Variants in AGO3 observed in about 807,000 individuals in gnomAD.
The protein encoded by AGO3 is argonaute RISC catalytic component 3, also known as protein argonaute-3.
Under a neutral mutation model 105.5 loss-of-function variants are expected in AGO3, and 16 were observed. That is an observed-to-expected ratio of 0.15 (90% confidence interval 0.10 to 0.23). The LOEUF is 0.23. Among genes scored for constraint, AGO3 ranks in the 10% least tolerant of loss-of-function variants. AGO3 has a pLI of 1.00. For missense variants in AGO3, 534 were observed against 1,088.0 expected (o/e 0.49, Z 7.16); for synonymous variants, 340 against 367.3 (o/e 0.93, Z 0.85).
chr1:35,979,224 C>A (rs1160066756), intron 5 of AGO3, among the ~76,000 whole-genome samples: 2 of 151,966 alleles, frequency 1.3e-5, no homozygotes, highest in African/African-American at 4.8e-5. Context: ...ATTAGCCGGG[C>A]GTGGTGGCGG....
intron 17 of AGO3, among the ~76,000 whole-genome samples, chr1:36,052,321 T>C (rs1387496419): frequency 1.3e-5 from 2 of 152,074 alleles, no homozygotes. Context: ...CAGAGAGATA[T>C]ATACTGCATG....
chr1:36,064,950 C>G lies in AGO3; in HGVS notation c.*9205C>G, dbSNP rs1029359445. ...GTGGGCGGCTGAGGCGGGCGGATCA[C>G]GAGGTCAGGAGTTGGAGACCAGCCT... is the stretch of plus-strand genomic sequence containing the variant. On this transcript the variant is annotated 3_prime_UTR_variant, in exon 19 of 19. Coordinates refer to ENST00000373191, the MANE Select transcript of AGO3 (RefSeq NM_024852.4). The G allele has an allele frequency of 6.6e-6, 1 of 151,908 alleles. No individual in the cohort carries two copies. The allele number at this position is 151,908 out of a possible 1,614,324, so 9.4% of individuals were successfully genotyped here. A position where few individuals can be genotyped will look rare whatever the true frequency, so the allele number is the denominator to read the frequency against.
At chr1:35,962,411 C>T (rs1242445481) in intron 2 of AGO3, among the ~76,000 whole-genome samples, 1 of 151,702 alleles carries the variant, frequency 6.6e-6, no homozygotes, top group Non-Finnish European at 1.5e-5. Flanking sequence ...GGCATGGTGG[C>T]GGGTGCCTGT....
chr1:35,938,279 C>T (rs916739388), intron 1 of AGO3, among the ~76,000 whole-genome samples: 10 of 151,946 alleles, frequency 6.6e-5, no homozygotes, highest in East Asian at 1.9e-4. Context: ...CCACTGTGCC[C>T]GGCCCAAAAA....
chr1:36,053,734 A>T (rs143650682), intron 17 of AGO3, among the ~76,000 whole-genome samples: 1,591 of 134,736 alleles, frequency 0.012, 38 homozygotes, highest in African/African-American at 0.039. Flanking sequence ...CCACACCACC[A>T]CACCTGGCTA....
At position 36,046,623 on chromosome 1, in the gene AGO3, T is replaced by TAAAAAAAAAAAAAAA. The variant is rs3073806; in HGVS notation, c.2274+3093_2274+3107dup. Among the ~76,000 whole-genome samples the TAAAAAAAAAAAAAAA allele has an allele frequency of 8.7e-5, 3 of 34,468 alleles. 1 individual carries two copies. Among genetic ancestry groups the TAAAAAAAAAAAAAAA allele is most frequent in the African/African-American group, 1.0e-4 (1 of 9,758 alleles). 22.6% of individuals were successfully genotyped at this position (34,468 alleles called of 152,430 possible). A position where few individuals can be genotyped will look rare whatever the true frequency, so the allele number is the denominator to read the frequency against. ...AACAGAGTGAGACTCAGTCTCTATT[T>TAAAAAAAAAAAAAAA]AAAAAAAAAAAAAAAAAAAAAAAAA... On this transcript the variant is annotated intron_variant, in intron 17 of 18. Coordinates refer to ENST00000373191, the MANE Select transcript of AGO3 (RefSeq NM_024852.4).
rs370201954 is a variant in AGO3, at chr1:36,057,039, C to T, written c.*1294C>T. 3.9e-5 allele frequency: 6 copies of T among 152,178 alleles called. No homozygotes were observed. The highest frequency in any genetic ancestry group is 1.4e-4 in the African/African-American group (6 of 41,446). 9.4% of individuals were successfully genotyped at this position (152,178 alleles called of 1,614,324 possible). A position where few individuals can be genotyped will look rare whatever the true frequency, so the allele number is the denominator to read the frequency against. On this transcript the variant is annotated 3_prime_UTR_variant, in exon 19 of 19. Coordinates refer to ENST00000373191, the MANE Select transcript of AGO3 (RefSeq NM_024852.4). ...ACAGGCATGAGCCACCGCACCCGGC[C>T]TACTATTCTTTTTCTTTAGTGAGTT...
intron 2 of AGO3, among the ~76,000 whole-genome samples, chr1:35,960,802 A>G (rs1646659420): frequency 1.3e-5 from 2 of 152,182 alleles, no homozygotes; most frequent in Non-Finnish European, 2.9e-5. Context: ...TGACCCGTAT[A>G]CTATAGAATT....
chr1:36,006,222 A>G (rs915567426), intron 6 of AGO3, among the ~76,000 whole-genome samples: 1 of 151,728 alleles, frequency 6.6e-6, no homozygotes, highest in Admixed American at 6.6e-5. Flanking sequence ...TTTAGCTGGT[A>G]TGAAGAATTT....
chr1:36,025,693 G>T (rs777587088), intron 11 of AGO3, among the ~76,000 whole-genome samples: 1 of 152,220 alleles, frequency 6.6e-6, no homozygotes, highest in African/African-American at 2.4e-5. Flanking sequence ...CCAGTGAAGC[G>T]ATTGTTGCTC....
intron 5 of AGO3, among the ~76,000 whole-genome samples, chr1:36,000,182 G>A (rs907335479): frequency 2.0e-5 from 3 of 152,062 alleles, no homozygotes; most frequent in Non-Finnish European, 4.4e-5. Context: ...GCTAATTTGT[G>A]AAAGGGAAGG....
rs1399248680 is a variant in AGO3 at position 36,066,486 on chromosome 1, G to C, written c.*10741G>C. 6.6e-6 allele frequency: 1 copy of C among 152,136 alleles called. No individual in the cohort carries two copies. The highest frequency in any genetic ancestry group is 1.5e-5 in the Non-Finnish European group (1 of 68,046). The allele number at this position is 152,136 out of a possible 1,614,324, so 9.4% of individuals were successfully genotyped here. On this transcript the variant is annotated 3_prime_UTR_variant, in exon 19 of 19. Coordinates refer to ENST00000373191, the MANE Select transcript of AGO3 (RefSeq NM_024852.4). ...GAGGCGAGAGAATCGTTTGAACCCG[G>C]TAGGCGGAGGTTGCAGTGAGCCGAG...
At chr1:35,948,274 A>G (rs1237191996) in intron 2 of AGO3, among the ~76,000 whole-genome samples, 1 of 150,762 alleles carries the variant, frequency 6.6e-6, no homozygotes, top group East Asian at 1.9e-4. Context: ...CTGGAGTGCA[A>G]TGGCGCGATT....
intron 1 of AGO3, among the ~76,000 whole-genome samples, chr1:35,941,728 C>T (rs1646259492): frequency 1.3e-5 from 2 of 152,188 alleles, no homozygotes. Flanking sequence ...CTTGGTGGCT[C>T]ACACCTGTAA....
At chr1:36,047,694 A>G (rs1245222770) in intron 17 of AGO3, among the ~76,000 whole-genome samples, 5 of 152,154 alleles carry the variant, frequency 3.3e-5, no homozygotes, top group Non-Finnish European at 5.9e-5. Flanking sequence ...CAGCCTGGGC[A>G]ACATGGTGAT....
intron 3 of AGO3, among the ~76,000 whole-genome samples, chr1:35,967,281 A>C (rs889626526): frequency 6.6e-6 from 1 of 152,158 alleles, no homozygotes; most frequent in Non-Finnish European, 1.5e-5. Context: ...ATGTAGCTTC[A>C]CTGAGGTTCT....
rs116104822 is a variant in AGO3, at chr1:36,018,254, G to C, written c.1406+4206G>C. On this transcript the variant is annotated intron_variant, in intron 11 of 18. Transcript: ENST00000373191. ...CCCAAACTGCTGAGATTACAGTTGTGAGCCACCATGCCTGGCCGACAATTT... is the reference window on the plus strand; with the variant it reads ...CCCAAACTGCTGAGATTACAGTTGTCAGCCACCATGCCTGGCCGACAATTT... 6.7e-3 allele frequency among the ~76,000 whole-genome samples: 1,021 copies of C among 151,842 alleles called. 8 individuals are homozygous for C. Among genetic ancestry groups the C allele is most frequent in the African/African-American group, 0.023 (970 of 41,462 alleles).
Position 35,931,399 on chromosome 1 carries a change from C to T in AGO3, c.-28C>T. ...GCCGCCAGTGGCGGGCTCCGTTCTC[C>T]CTCGAAGCACTCCCCCCAGCTCCAT... On this transcript the variant is annotated 5_prime_UTR_variant, in exon 1 of 19. Coordinates refer to ENST00000373191, the MANE Select transcript of AGO3 (RefSeq NM_024852.4). 1 of 1,456,984 alleles carries T rather than the reference C, an allele frequency of 6.9e-7. No individual in the cohort carries two copies. The highest frequency in any genetic ancestry group is 9.1e-7 in the Non-Finnish European group (1 of 1,101,284). The allele number at this position is 1,456,984 out of a possible 1,614,324, so 90.3% of individuals were successfully genotyped here.
chr1:35,976,802 C>T (rs2148779237), intron 5 of AGO3, among the ~76,000 whole-genome samples: 1 of 152,258 alleles, frequency 6.6e-6, no homozygotes, highest in East Asian at 1.9e-4. Context: ...TATAAATTAA[C>T]ATGCAGAAGT....
Sources: allele counts gnomAD v4.1 joint callset (sites outside exome capture counted in the v4.1 genomes callset), GRCh38; gene constraint gnomAD v4.1.1; transcripts MANE v1.5; gene names NCBI Gene and HGNC (gene_info 2026-07-23, HGNC 2026-07-21).